The following ETV6 variants were observed in gnomAD, a reference collection of about 807,000 sequenced individuals.
ETV6 encodes transcription factor ETV6.
ETV6 carries 16 observed loss-of-function variants against 51.1 expected under a neutral mutation model. The ratio of observed to expected loss-of-function variants is 0.31; its 90% confidence interval spans 0.21 to 0.48. ETV6 has a LOEUF of 0.48. Among genes scored for constraint, ETV6 ranks in the 20% least tolerant of loss-of-function variants. The probability of loss-of-function intolerance (pLI) is 0.99; values close to 1 mark genes in which losing one functional copy is unlikely to be tolerated. For missense variants in ETV6, 458 were observed against 594.8 expected (o/e 0.77, Z 2.39); for synonymous variants, 240 against 224.1 (o/e 1.07, Z -0.64).
At chr12:11,855,408 A>G (rs1007243701) in intron 4 of ETV6, among the ~76,000 whole-genome samples, 1 of 152,218 alleles carries the variant, frequency 6.6e-6, no homozygotes, top group Non-Finnish European at 1.5e-5. Flanking sequence ...TCTGAGGGTC[A>G]TGATCCTCCT....
chr12:11,774,281 G>C (rs1945286543), intron 2 of ETV6, among the ~76,000 whole-genome samples: 1 of 152,142 alleles, frequency 6.6e-6, no homozygotes, highest in South Asian at 2.1e-4. Flanking sequence ...CAAACTGCCT[G>C]GATTTCATTT....
intron 1 of ETV6, among the ~76,000 whole-genome samples, chr12:11,670,885 G>T (rs1372676978): frequency 6.6e-6 from 1 of 152,094 alleles, no homozygotes; most frequent in Non-Finnish European, 1.5e-5. Context: ...TTCTTTTCTG[G>T]GTTCTAATCA....
At chr12:11,871,197 CTT>C (rs569181747) in intron 5 of ETV6, among the ~76,000 whole-genome samples, 35 of 138,232 alleles carry the variant, frequency 2.5e-4, no homozygotes, top group Non-Finnish European at 3.9e-4. Flanking sequence ...GGTACTGTCC[CTT>C]TTTTTTTTTT....
intron 1 of ETV6, chr12:11,716,439 T>A (rs541611002): frequency 6.6e-6 from 1 of 151,682 alleles, no homozygotes; most frequent in East Asian, 1.9e-4. Flanking sequence ...CCAAGCGAGT[T>A]GACCTGAACC....
chr12:11,882,194 A>T (rs1565566292), intron 5 of ETV6, among the ~76,000 whole-genome samples: 1 of 152,230 alleles, frequency 6.6e-6, no homozygotes, highest in Non-Finnish European at 1.5e-5. Flanking sequence ...GCTGCTGTAC[A>T]TTTAATGGTA....
chr12:11,752,893 CAA>C (rs966609688), intron 2 of ETV6: 6 of 231,846 alleles, frequency 2.6e-5, no homozygotes, highest in African/African-American at 4.5e-5. Flanking sequence ...TGTGTGTGTG[CAA>C]AGTTTATCTG....
intron 2 of ETV6, among the ~76,000 whole-genome samples, chr12:11,792,321 G>A (rs563747899): frequency 7.2e-5 from 11 of 152,224 alleles, no homozygotes; most frequent in East Asian, 3.9e-4. Context: ...AGTGTTGGCC[G>A]GAGCTAGCTA....
At chr12:11,793,182 C>T (rs1945629750) in intron 2 of ETV6, among the ~76,000 whole-genome samples, 1 of 152,134 alleles carries the variant, frequency 6.6e-6, no homozygotes, top group African/African-American at 2.4e-5. Context: ...TAAAGCTCAC[C>T]CAGCACTAAC....
At chr12:11,708,062 T>C (rs1362911160) in intron 1 of ETV6, among the ~76,000 whole-genome samples, 1 of 152,264 alleles carries the variant, frequency 6.6e-6, no homozygotes, top group East Asian at 1.9e-4. Context: ...AATGTTCTGT[T>C]ATGCTTCCCT....
chr12:11,691,276 G>A (rs186058352), intron 1 of ETV6, among the ~76,000 whole-genome samples: 2 of 152,210 alleles, frequency 1.3e-5, no homozygotes, highest in East Asian at 3.9e-4. Flanking sequence ...GAATTCTGGG[G>A]TAACACAAAC....
At chr12:11,859,137 T>G (rs1035896035) in intron 4 of ETV6, among the ~76,000 whole-genome samples, 3 of 98,180 alleles carry the variant, frequency 3.1e-5, no homozygotes, top group African/African-American at 9.5e-5. Context: ...TTTTTTTTTT[T>G]TTTTTTTTTT....
At chr12:11,768,914 C>T (rs772044732) in intron 2 of ETV6, 1 of 482,196 alleles carries the variant, frequency 2.1e-6, no homozygotes, top group Non-Finnish European at 4.2e-6. Context: ...TTGGAAATAC[C>T]ATTTGTGACT....
chr12:11,662,468 G>A (rs1283494680), intron 1 of ETV6, among the ~76,000 whole-genome samples: 2 of 152,182 alleles, frequency 1.3e-5, no homozygotes, highest in South Asian at 2.1e-4. Context: ...CCGAACTAGG[G>A]GGAATGCCTG....
chr12:11,827,942 T>C (rs1946183426), intron 2 of ETV6, among the ~76,000 whole-genome samples: 1 of 152,238 alleles, frequency 6.6e-6, no homozygotes, highest in African/African-American at 2.4e-5. Flanking sequence ...CTTTATGTTC[T>C]CTGTACCCCA....
intron 2 of ETV6, among the ~76,000 whole-genome samples, chr12:11,755,779 A>G (rs17365997): frequency 0.015 from 2,306 of 152,270 alleles, 33 homozygotes; most frequent in Non-Finnish European, 0.025. Flanking sequence ...CAACAGCGGG[A>G]CATTTATGGT....
chr12:11,881,836 C>T (rs1471234140), intron 5 of ETV6, among the ~76,000 whole-genome samples: 1 of 152,198 alleles, frequency 6.6e-6, no homozygotes, highest in Non-Finnish European at 1.5e-5. Context: ...CTAGAATCAT[C>T]CTCCTTCAAA....
chr12:11,848,276 G>A (rs1177697301), intron 3 of ETV6, among the ~76,000 whole-genome samples: 5 of 152,088 alleles, frequency 3.3e-5, no homozygotes, highest in South Asian at 2.1e-4. Context: ...ACTATGGCTC[G>A]GAGAAGAAAA....
chr12:11,819,090 T>C (rs980243505), intron 2 of ETV6, among the ~76,000 whole-genome samples: 15 of 152,204 alleles, frequency 9.9e-5, no homozygotes, highest in Non-Finnish European at 2.1e-4. Context: ...AGAAGCCCAC[T>C]TGGATTGCAC....
chr12:11,795,315 G>A (rs1346005557), intron 2 of ETV6, among the ~76,000 whole-genome samples: 1 of 152,234 alleles, frequency 6.6e-6, no homozygotes, highest in Non-Finnish European at 1.5e-5. Context: ...GTCCGCTGGT[G>A]GCCGGAGTGC....
Sources: allele counts gnomAD v4.1 joint callset (sites outside exome capture counted in the v4.1 genomes callset), GRCh38; gene constraint gnomAD v4.1.1; transcripts MANE v1.5; gene names NCBI Gene and HGNC (gene_info 2026-07-23, HGNC 2026-07-21).